TDRD5: variants seen among roughly 807,000 people sequenced by gnomAD.
TDRD5 encodes the protein tudor domain-containing protein 5.
TDRD5 carries 41 observed loss-of-function variants against 120.6 expected under a neutral mutation model. The observed-to-expected ratio is 0.34, with a 90% CI of 0.26 to 0.44. The LOEUF (loss-of-function observed/expected upper bound fraction) is 0.44, where lower values mean the gene tolerates loss of function less well. TDRD5 is among the 20% of genes least tolerant of loss of function. The pLI, the probability that TDRD5 is intolerant of heterozygous loss-of-function variation, is 1.00. For missense variants in TDRD5, 1,006 were observed against 1,221.2 expected, an observed-to-expected ratio of 0.82 and a Z score of 2.63; for synonymous variants, 430 against 433.7, an observed-to-expected ratio of 0.99 and a Z score of 0.11.
intron 9 of TDRD5, 23 bp from the exon 10 acceptor site, chr1:179,639,816 C>A: frequency 5.0e-6 from 8 of 1,609,746 alleles, no homozygotes; most frequent in Non-Finnish European, 6.8e-6. Context: ...CTATGGATTT[C>A]TCTGTATTAT....
At chr1:179,612,050 C>T (rs1305407020) in intron 4 of TDRD5, among the ~76,000 whole-genome samples, 1 of 152,154 alleles carries the variant, frequency 6.6e-6, no homozygotes, top group African/African-American at 2.4e-5. Flanking sequence ...GTTAGGTGTT[C>T]CCTCAAAACT....
intron 6 of TDRD5, among the ~76,000 whole-genome samples, chr1:179,622,088 A>G (rs1186009092): frequency 1.3e-5 from 2 of 152,210 alleles, no homozygotes; most frequent in Non-Finnish European, 2.9e-5. Context: ...TACTTTATAG[A>G]GTTTTGTGAA....
At chr1:179,631,235 CA>C (rs1220191201) in intron 7 of TDRD5, among the ~76,000 whole-genome samples, 5 of 151,892 alleles carry the variant, frequency 3.3e-5, no homozygotes, top group Non-Finnish European at 7.4e-5. Context: ...ACTAAAAATA[CA>C]AAAAAACTAG....
chr1:179,690,006 T>G (rs1572456704), intron 17 of TDRD5, among the ~76,000 whole-genome samples: 1 of 152,274 alleles, frequency 6.6e-6, no homozygotes, highest in East Asian at 1.9e-4. Flanking sequence ...GCTTCCCCGG[T>G]GAGGCGATGC....
At chr1:179,631,157 C>T (rs757798249) in intron 7 of TDRD5, among the ~76,000 whole-genome samples, 2 of 151,964 alleles carry the variant, frequency 1.3e-5, no homozygotes, top group South Asian at 2.1e-4. Context: ...TTTGGGAGGC[C>T]GAGGTGGGCG....
At chr1:179,626,520 C>T (rs993084576) in intron 6 of TDRD5, among the ~76,000 whole-genome samples, 2 of 152,126 alleles carry the variant, frequency 1.3e-5, no homozygotes, top group Non-Finnish European at 2.9e-5. Flanking sequence ...GTGTGCATTT[C>T]ACTGCGTGTA....
At chr1:179,689,313 GTCCAC>G (rs1211806528) in intron 17 of TDRD5, among the ~76,000 whole-genome samples, 3 of 152,166 alleles carry the variant, frequency 2.0e-5, no homozygotes, top group Non-Finnish European at 4.4e-5. Context: ...TTTGCTGGAG[GTCCAC>G]TCCACACCCT....
At chr1:179,630,199 G>A (rs1464591135) in intron 6 of TDRD5, among the ~76,000 whole-genome samples, 3 of 152,154 alleles carry the variant, frequency 2.0e-5, no homozygotes, top group Non-Finnish European at 2.9e-5. Context: ...GGGTTTCACC[G>A]TGTTAGCCAG....
intron 16 of TDRD5, among the ~76,000 whole-genome samples, chr1:179,665,900 T>C (rs933198419): frequency 6.6e-6 from 1 of 152,180 alleles, no homozygotes; most frequent in African/African-American, 2.4e-5. Flanking sequence ...ATGCTTAGGA[T>C]ACAGTCCTCT....
chr1:179,619,371 A>G (rs1482473598), intron 5 of TDRD5, among the ~76,000 whole-genome samples: 1 of 152,150 alleles, frequency 6.6e-6, no homozygotes, highest in Non-Finnish European at 1.5e-5. Context: ...TACCTTACTA[A>G]CAAGTGAAAA....
chr1:179,613,192 A>G (rs1676377412), intron 4 of TDRD5, among the ~76,000 whole-genome samples: 1 of 152,200 alleles, frequency 6.6e-6, no homozygotes, highest in Non-Finnish European at 1.5e-5. Context: ...GAGGTGAAAC[A>G]TTTTATTTCA....
intron 17 of TDRD5, among the ~76,000 whole-genome samples, chr1:179,689,815 A>C (rs956831678): frequency 2.0e-5 from 3 of 152,178 alleles, no homozygotes; most frequent in African/African-American, 7.2e-5. Flanking sequence ...CTGTGCTAGC[A>C]GTGAGTGAGG....
intron 4 of TDRD5, among the ~76,000 whole-genome samples, chr1:179,604,902 G>A (rs1355286271): frequency 6.6e-6 from 1 of 152,184 alleles, no homozygotes; most frequent in East Asian, 1.9e-4. Context: ...TTTGTTCCTA[G>A]GTATAGTTTA....
intron 1 of TDRD5, 157 bp downstream of exon 1, chr1:179,592,282 A>C: frequency 3.6e-6 from 1 of 280,276 alleles, no homozygotes; most frequent in African/African-American, 2.2e-5. Context: ...CTTAGTTCCT[A>C]GTCCTGGTTC....
rs576114018 is a variant in TDRD5, at chr1:179,668,738, G to T, written c.2650-456G>T. ...CTTGCTTTTTCTAGAGAGTATCTAG[G>T]TTCTTTTTTTTTTTTTTTTTTTGTG... is the stretch of plus-strand genomic sequence containing the variant. On this transcript the variant is annotated intron_variant, in intron 16 of 17. Transcript: ENST00000444136. 2.0e-3 allele frequency among the ~76,000 whole-genome samples: 253 copies of T among 123,656 alleles called. 1 individual carries two copies. Among genetic ancestry groups the T allele is most frequent in the African/African-American group, 6.6e-3 (236 of 35,952 alleles). 81.1% of individuals were successfully genotyped at this position (123,656 alleles called of 152,430 possible). A position where few individuals can be genotyped will look rare whatever the true frequency, so the allele number is the denominator to read the frequency against.
intron 17 of TDRD5, among the ~76,000 whole-genome samples, chr1:179,686,587 CTATTGAT>C (rs1322767494): frequency 3.3e-5 from 5 of 152,170 alleles, no homozygotes; most frequent in Non-Finnish European, 5.9e-5. Flanking sequence ...CCCTCTTTTT[CTATTGAT>C]TGAAATAGTT....
At chr1:179,654,552 G>A (rs550496528) in intron 14 of TDRD5, among the ~76,000 whole-genome samples, 190 bp downstream of exon 14, 29 of 152,168 alleles carry the variant, frequency 1.9e-4, no homozygotes, top group African/African-American at 7.0e-4. Flanking sequence ...ATCACTTGAG[G>A]TCAGGAGTTC....
At chr1:179,620,583 T>C (rs553640430) in intron 5 of TDRD5, among the ~76,000 whole-genome samples, 2 of 152,278 alleles carry the variant, frequency 1.3e-5, no homozygotes, top group South Asian at 4.1e-4. Context: ...TAATATTAAA[T>C]AGATATTTTG....
intron 16 of TDRD5, among the ~76,000 whole-genome samples, chr1:179,666,397 A>C (rs1002863691): frequency 1.2e-4 from 19 of 152,246 alleles, no homozygotes; most frequent in African/African-American, 4.3e-4. Context: ...ACAATACTAC[A>C]GTGATTATCC....
Sources: allele counts gnomAD v4.1 joint callset (sites outside exome capture counted in the v4.1 genomes callset), GRCh38; gene constraint gnomAD v4.1.1; transcripts MANE v1.5; gene names NCBI Gene and HGNC (gene_info 2026-07-23, HGNC 2026-07-21).